Variants in CNOT10 observed in about 807,000 individuals in gnomAD.
CNOT10 encodes the protein CCR4-NOT transcription complex subunit 10.
A neutral mutation model predicts 94.6 loss-of-function variants in CNOT10; 30 were observed. The ratio of observed to expected loss-of-function variants is 0.32; its 90% CI spans 0.24 to 0.43. The LOEUF (loss-of-function observed/expected upper bound fraction) is 0.43, where lower values mean the gene tolerates loss of function less well. Among genes scored for constraint, CNOT10 ranks in the 20% least tolerant of loss-of-function variants. The pLI, the probability that CNOT10 is intolerant of heterozygous loss-of-function variation, is 1.00. For synonymous variants in CNOT10, 289 were observed against 301.6 expected, an observed-to-expected ratio of 0.96 and a Z score of 0.43; for missense variants, 759 against 877.2, an observed-to-expected ratio of 0.87 and a Z score of 1.70.
chr3:32,687,252 GTC>G, intron 1 of CNOT10, among the ~76,000 whole-genome samples: 1 of 151,614 alleles, frequency 6.6e-6, no homozygotes, highest in East Asian at 1.9e-4. Flanking sequence ...TTTGTCTCTT[GTC>G]TCTTCCTATC....
At chr3:32,699,813 A>G (rs1415492004) in intron 1 of CNOT10, among the ~76,000 whole-genome samples, 1 of 152,032 alleles carries the variant, frequency 6.6e-6, no homozygotes, top group Non-Finnish European at 1.5e-5. Flanking sequence ...AGAACCCCAT[A>G]ACCAGTGTGA....
chr3:32,748,715 G>T (rs1298909907), intron 13 of CNOT10, among the ~76,000 whole-genome samples: 1 of 151,636 alleles, frequency 6.6e-6, no homozygotes, highest in Non-Finnish European at 1.5e-5. Context: ...TCACCATTTT[G>T]GCCAGGCTGA....
intron 10 of CNOT10, chr3:32,731,043 G>A (rs1698920689): frequency 6.6e-6 from 1 of 152,038 alleles, no homozygotes; most frequent in African/African-American, 2.4e-5. Flanking sequence ...AGTTTTCATG[G>A]CCTTAGCAAT....
intron 1 of CNOT10, 92 bp downstream of exon 1, chr3:32,685,574 C>G: frequency 7.2e-7 from 1 of 1,391,000 alleles, no homozygotes; most frequent in South Asian, 1.2e-5. Context: ...GGGGTGGGGA[C>G]TCCAGGGCGA....
Position 32,732,564 on chromosome 3 carries a change from C to T in CNOT10, c.1216-859C>T, listed in dbSNP as rs547455757. ...TCATGCCACTGTACTCCATCCTGGGCAACAGAGCCAGACCTTGTCTTAAAA... is the reference window on the plus strand; with the variant it reads ...TCATGCCACTGTACTCCATCCTGGGTAACAGAGCCAGACCTTGTCTTAAAA... On this transcript the variant is annotated intron_variant, in intron 10 of 18. Transcript: ENST00000328834. Among the ~76,000 whole-genome samples the T allele has an allele frequency of 3.2e-3, 477 of 149,842 alleles. 2 individuals are homozygous for T. The highest frequency in any genetic ancestry group is 5.3e-3 in the Non-Finnish European group (360 of 67,594).
chr3:32,759,539 T>C lies in CNOT10; in HGVS notation c.1677T>C (p.Leu559=). The C allele has an allele frequency of 1.9e-6, 3 of 1,614,048 alleles. No individual in the cohort carries two copies. Among genetic ancestry groups the C allele is most frequent in the Non-Finnish European group, 2.5e-6 (3 of 1,179,954 alleles). The change falls in exon 14 of 19, where the codon CTT becomes CTC. Residue 559 remains leucine (L), a synonymous_variant. Coordinates refer to ENST00000328834, the MANE Select transcript of CNOT10 (RefSeq NM_015442.3). ...TGGCTTTGAATCATGCAGATAAACT[T>C]CTTCAGCAGCCCAAGCTGTCAGGAT... ...NLMALNHADK[L]LQQPKLSGSL...
chr3:32,709,831 A>G (rs1451408704), intron 4 of CNOT10, among the ~76,000 whole-genome samples: 1 of 152,134 alleles, frequency 6.6e-6, no homozygotes. Flanking sequence ...ATATGGAGAA[A>G]CTGCCTTTAA....
chr3:32,745,525 A>G (rs1159968041), intron 13 of CNOT10, among the ~76,000 whole-genome samples: 1 of 152,104 alleles, frequency 6.6e-6, no homozygotes, highest in African/African-American at 2.4e-5. Context: ...TTGAAATTTT[A>G]AGGTGATTGT....
intron 17 of CNOT10, chr3:32,769,125 T>A (rs1700786377): frequency 6.6e-6 from 1 of 152,256 alleles, no homozygotes; most frequent in Non-Finnish European, 1.5e-5. Context: ...AATAAGTATT[T>A]GTAGAAGTCT....
At chr3:32,737,224 A>G (rs547091144) in intron 12 of CNOT10, among the ~76,000 whole-genome samples, 186 bp from the exon 13 acceptor site, 1 of 152,154 alleles carries the variant, frequency 6.6e-6, no homozygotes, top group East Asian at 1.9e-4. Context: ...CTGAGGCGGG[A>G]GAATCACTCA....
intron 13 of CNOT10, among the ~76,000 whole-genome samples, chr3:32,738,494 G>A (rs1420718394): frequency 2.1e-5 from 3 of 143,834 alleles, no homozygotes; most frequent in Admixed American, 7.2e-5. Context: ...ATGGATTCTC[G>A]CTCTGTCTCC....
intron 9 of CNOT10, among the ~76,000 whole-genome samples, chr3:32,726,836 A>ATT (rs56273006): frequency 8.6e-5 from 7 of 81,268 alleles, no homozygotes; most frequent in African/African-American, 1.3e-4. Context: ...ACCAAGATGA[A>ATT]TTTTTTTTTT....
At chr3:32,759,892 A>G (rs1201422796) in intron 14 of CNOT10, among the ~76,000 whole-genome samples, 1 of 152,106 alleles carries the variant, frequency 6.6e-6, no homozygotes, top group Admixed American at 6.6e-5. Context: ...TGATAAATCT[A>G]CTTTGAGGGA....
chr3:32,717,089 C>A, intron 6 of CNOT10, 65 bp from the exon 7 acceptor site: 1 of 926,530 alleles, frequency 1.1e-6, no homozygotes, highest in East Asian at 2.6e-5. Context: ...GTTTTCTTAA[C>A]TAGAAAGTAA....
chr3:32,722,711 G>A (rs1575241032), intron 8 of CNOT10, among the ~76,000 whole-genome samples: 1 of 152,142 alleles, frequency 6.6e-6, no homozygotes. Flanking sequence ...CAGGCGTGGT[G>A]GCTCACACCT....
intron 13 of CNOT10, among the ~76,000 whole-genome samples, chr3:32,758,037 C>G (rs1700292880): frequency 6.6e-6 from 1 of 152,146 alleles, no homozygotes; most frequent in Non-Finnish European, 1.5e-5. Flanking sequence ...GTACAAGAAT[C>G]TTTTCTGTTG....
At chr3:32,698,874 C>T (rs1697200391) in intron 1 of CNOT10, among the ~76,000 whole-genome samples, 3 of 152,178 alleles carry the variant, frequency 2.0e-5, no homozygotes, top group Admixed American at 2.0e-4. Flanking sequence ...CACACTCCAC[C>T]TCCTGTGTTC....
intron 7 of CNOT10, 129 bp from the exon 8 acceptor site, chr3:32,719,985 T>C (rs1698298040): frequency 2.1e-6 from 1 of 468,158 alleles, no homozygotes; most frequent in Non-Finnish European, 3.9e-6. Flanking sequence ...TTAGAGACTA[T>C]ATAATTTTTT....
At chr3:32,695,776 T>A (rs1239567111) in intron 1 of CNOT10, 2 of 1,535,866 alleles carry the variant, frequency 1.3e-6, no homozygotes, top group African/African-American at 2.7e-5. Context: ...CAACGGAGAC[T>A]ACTTTTGGGC....
Sources: allele counts gnomAD v4.1 joint callset (sites outside exome capture counted in the v4.1 genomes callset), GRCh38; gene constraint gnomAD v4.1.1; transcripts MANE v1.5; gene names NCBI Gene and HGNC (gene_info 2026-07-23, HGNC 2026-07-21).